ERBB4: variants seen among roughly 807,000 people sequenced by gnomAD.
ERBB4 encodes the protein erb-b2 receptor tyrosine kinase 4.
A neutral mutation model predicts 158.0 loss-of-function variants in ERBB4; 42 were observed. The ratio of observed to expected loss-of-function variants is 0.27; its 90% CI spans 0.21 to 0.34. ERBB4 has a LOEUF of 0.34. Among genes scored for constraint, ERBB4 ranks in the 10% least tolerant of loss-of-function variants. The pLI, the probability that ERBB4 is intolerant of heterozygous loss-of-function variation, is 1.00. For missense variants in ERBB4, 1,333 were observed against 1,624.1 expected (o/e 0.82, Z 3.08); for synonymous variants, 583 against 558.7 (o/e 1.04, Z -0.61).
At chr2:211,602,193 T>C (rs2068822225) in intron 19 of ERBB4, among the ~76,000 whole-genome samples, 1 of 152,130 alleles carries the variant, frequency 6.6e-6, no homozygotes, top group Non-Finnish European at 1.5e-5. Flanking sequence ...CAGGACCTGA[T>C]TTGTCCTCTC....
At chr2:211,401,929 A>G (rs1190933834) in intron 25 of ERBB4, among the ~76,000 whole-genome samples, 1 of 151,566 alleles carries the variant, frequency 6.6e-6, no homozygotes, top group African/African-American at 2.4e-5. Context: ...CTATGTCACA[A>G]TTATAATATA....
intron 20 of ERBB4, among the ~76,000 whole-genome samples, chr2:211,552,728 C>T (rs1227967628): frequency 6.6e-6 from 1 of 152,070 alleles, no homozygotes; most frequent in Non-Finnish European, 1.5e-5. Flanking sequence ...ACAAATACAG[C>T]ACCAGTGATA....
chr2:211,444,064 A>C (rs1029653090), intron 20 of ERBB4, among the ~76,000 whole-genome samples: 1 of 151,994 alleles, frequency 6.6e-6, no homozygotes, highest in African/African-American at 2.4e-5. Flanking sequence ...CTTTCCTATA[A>C]TGGTTTAATT....
intron 15 of ERBB4, 24 bp downstream of exon 15, chr2:211,665,299 C>T (rs776514294): frequency 6.2e-7 from 1 of 1,613,400 alleles, no homozygotes; most frequent in Non-Finnish European, 8.5e-7. Flanking sequence ...ACCAGGTGAG[C>T]CCTTGGCCAG....
chr2:211,477,714 AT>A (rs5838269), intron 20 of ERBB4, among the ~76,000 whole-genome samples: 4,681 of 152,256 alleles, frequency 0.031, 228 homozygotes, highest in African/African-American at 0.11. Flanking sequence ...GCTATTAATA[AT>A]AGCTAACTCA....
At chr2:211,918,469 TGGTGCACCA>T (rs1217754792) in intron 3 of ERBB4, among the ~76,000 whole-genome samples, 1 of 152,118 alleles carries the variant, frequency 6.6e-6, no homozygotes, top group East Asian at 1.9e-4. Context: ...ACCTACACTG[TGGTGCACCA>T]GAGTTTAAAG....
At position 211,594,616 on chromosome 2, in the gene ERBB4, T is replaced by C. The variant is rs558518690; in HGVS notation, c.2301+24561A>G. Among the ~76,000 whole-genome samples, 6 of 152,288 alleles carry C rather than the reference T, an allele frequency of 3.9e-5. No individual in the cohort carries two copies. The East Asian group carries it at 1.2e-3, about 29-fold the overall frequency. On this transcript the variant is annotated intron_variant, in intron 19 of 27. Transcript: ENST00000342788. ...GTGTAAATTAGAGAGAAAGTAAACATAAATAGCATAGCTGTTTATTCATAA... is the reference window on the plus strand; with the variant it reads ...GTGTAAATTAGAGAGAAAGTAAACACAAATAGCATAGCTGTTTATTCATAA...
chr2:212,486,344 A>G (rs1308966503), intron 1 of ERBB4, among the ~76,000 whole-genome samples: 2 of 152,144 alleles, frequency 1.3e-5, no homozygotes, highest in Non-Finnish European at 2.9e-5. Flanking sequence ...TTAGAACTAA[A>G]GTAAAATCTT....
chr2:212,100,900 G>C (rs895225546), intron 2 of ERBB4, among the ~76,000 whole-genome samples: 2 of 152,072 alleles, frequency 1.3e-5, no homozygotes, highest in South Asian at 4.1e-4. Context: ...AGAGATTCTG[G>C]TTTTTGTTTA....
chr2:211,681,802 C>CT (rs1218250408), intron 12 of ERBB4, among the ~76,000 whole-genome samples: 1 of 151,768 alleles, frequency 6.6e-6, no homozygotes, highest in Non-Finnish European at 1.5e-5. Context: ...TTAATACTGT[C>CT]TTTTGAAAGT....
rs903657374 is a variant in ERBB4, at chr2:212,293,989, G to A, written c.83-169086C>T. On this transcript the variant is annotated intron_variant, in intron 1 of 27. Coordinates refer to ENST00000342788, the MANE Select transcript of ERBB4 (RefSeq NM_005235.3). ...GTATTTTTCTATACCAGTTCCCTTA[G>A]AAAATCAGAATCAGAATTGACACTA... is the stretch of plus-strand genomic sequence containing the variant. Among the ~76,000 whole-genome samples the A allele has an allele frequency of 2.6e-5, 4 of 151,232 alleles. No individual in the cohort carries two copies. In the Admixed American group the frequency reaches 2.6e-4, roughly 10 times the overall value.
chr2:211,971,815 T>A (rs1575454789), intron 2 of ERBB4, among the ~76,000 whole-genome samples: 1 of 152,060 alleles, frequency 6.6e-6, no homozygotes, highest in African/African-American at 2.4e-5. Flanking sequence ...ATTATTAATA[T>A]CTCAATAGAA....
intron 19 of ERBB4, among the ~76,000 whole-genome samples, chr2:211,609,064 A>G (rs2069091369): frequency 6.6e-6 from 1 of 152,124 alleles, no homozygotes; most frequent in African/African-American, 2.4e-5. Flanking sequence ...TGAAGGCCTC[A>G]GCAGCAGCCC....
chr2:211,704,710 C>A (rs998724787), intron 10 of ERBB4, among the ~76,000 whole-genome samples: 2 of 152,078 alleles, frequency 1.3e-5, no homozygotes, highest in Admixed American at 6.6e-5. Flanking sequence ...TATCTATTTT[C>A]AATAGTACTT....
intron 1 of ERBB4, among the ~76,000 whole-genome samples, chr2:212,427,029 T>A (rs555022494): frequency 6.6e-6 from 1 of 152,206 alleles, no homozygotes; most frequent in African/African-American, 2.4e-5. Context: ...CTTCTTGTCA[T>A]AGACAACTGT....
chr2:211,947,299 A>G, intron 3 of ERBB4, 131 bp downstream of exon 3: 1 of 778,274 alleles, frequency 1.3e-6, no homozygotes, highest in East Asian at 2.7e-5. Context: ...TGCTTATAAA[A>G]CAAATAAATC....
At chr2:211,866,855 A>G (rs1172363265) in intron 3 of ERBB4, among the ~76,000 whole-genome samples, 1 of 151,956 alleles carries the variant, frequency 6.6e-6, no homozygotes, top group Non-Finnish European at 1.5e-5. Flanking sequence ...TTTGCTTTTC[A>G]AGTGAAAAAA....
intron 12 of ERBB4, 117 bp from the exon 13 acceptor site, chr2:211,679,301 CTT>C (rs67647157): frequency 9.1e-7 from 1 of 1,100,660 alleles, no homozygotes; most frequent in Non-Finnish European, 1.3e-6. Context: ...TGGCAAATGA[CTT>C]TGGTGGCCTA....
chr2:212,322,712 T>A (rs1252188001), intron 1 of ERBB4, among the ~76,000 whole-genome samples: 3 of 150,316 alleles, frequency 2.0e-5, no homozygotes, highest in African/African-American at 7.3e-5. Flanking sequence ...ATCAGAGAAG[T>A]GGAATTCTAC....
Sources: gnomAD v4.1 joint callset for allele counts (sites outside exome capture counted in the v4.1 genomes callset) on GRCh38, gnomAD v4.1.1 for gene constraint, MANE v1.5 for transcripts, NCBI Gene and HGNC (gene_info 2026-07-23, HGNC 2026-07-21) for gene names.